B3GAT2: variants seen among roughly 807,000 people sequenced by gnomAD.
The protein encoded by B3GAT2 is galactosylgalactosylxylosylprotein 3-beta-glucuronosyltransferase 2.
Under a neutral mutation model 27.8 loss-of-function variants are expected in B3GAT2, and 26 were observed. The ratio of observed to expected loss-of-function variants is 0.93; its 90% CI spans 0.68 to 1.30. The LOEUF (loss-of-function observed/expected upper bound fraction) is 1.30. B3GAT2 is among the 50% of genes most tolerant of loss of function. B3GAT2 has a pLI of 0.00. For missense variants in B3GAT2, 458 were observed against 459.0 expected, an observed-to-expected ratio of 1.00 and a Z score of 0.02; for synonymous variants, 218 against 195.1, an observed-to-expected ratio of 1.12 and a Z score of -0.98.
chr6:70,940,738 G>A (rs140121650), intron 1 of B3GAT2, among the ~76,000 whole-genome samples: 199 of 152,184 alleles, frequency 1.3e-3, no homozygotes, highest in African/African-American at 4.0e-3. Context: ...GACCAACCTG[G>A]CCAACATGTT....
At chr6:70,922,787 C>A (rs1772891890) in intron 1 of B3GAT2, among the ~76,000 whole-genome samples, 1 of 151,554 alleles carries the variant, frequency 6.6e-6, no homozygotes, top group Non-Finnish European at 1.5e-5. Context: ...GAAAATTAAA[C>A]CAAAAATAAA....
intron 2 of B3GAT2, among the ~76,000 whole-genome samples, chr6:70,866,491 A>T (rs1442299874): frequency 6.6e-6 from 1 of 152,232 alleles, no homozygotes; most frequent in East Asian, 1.9e-4. Context: ...AGCAACATAA[A>T]ATTCAAAATG....
At chr6:70,875,997 C>A (rs753170293) in intron 2 of B3GAT2, among the ~76,000 whole-genome samples, 3 of 152,140 alleles carry the variant, frequency 2.0e-5, no homozygotes, top group Non-Finnish European at 4.4e-5. Flanking sequence ...TAACTGAATA[C>A]GGAAAATATC....
At chr6:70,897,025 C>G (rs1319519676) in intron 1 of B3GAT2, among the ~76,000 whole-genome samples, 3 of 152,192 alleles carry the variant, frequency 2.0e-5, no homozygotes, top group Non-Finnish European at 4.4e-5. Context: ...ACATTCTCAT[C>G]AGCAGTGTAA....
chr6:70,943,858 G>T (rs72920715), intron 1 of B3GAT2, among the ~76,000 whole-genome samples: 12,179 of 152,098 alleles, frequency 0.08, 599 homozygotes, highest in Non-Finnish European at 0.11. Flanking sequence ...CAGTTAGAAA[G>T]AATACATTTA....
chr6:70,945,982 A>C (rs931756447), intron 1 of B3GAT2, among the ~76,000 whole-genome samples: 4 of 152,104 alleles, frequency 2.6e-5, no homozygotes, highest in Admixed American at 2.6e-4. Context: ...AAGCTTCATA[A>C]GTGAAGGAGA....
intron 2 of B3GAT2, among the ~76,000 whole-genome samples, chr6:70,884,954 T>C (rs540863075): frequency 4.0e-4 from 61 of 152,330 alleles, no homozygotes; most frequent in Non-Finnish European, 6.9e-4. Context: ...CAGAAAAATG[T>C]GTAGTAGTCA....
In B3GAT2 at chr6:70,858,290, T is replaced by G; in HGVS notation, c.*3373A>C. ...AAACCAGATTTATTTTCTAAATCTT[T>G]TTTTTTTTTTTTTTTTTTTTTTTTT... is the stretch of plus-strand genomic sequence containing the variant. On this transcript the variant is annotated 3_prime_UTR_variant, in exon 4 of 4. Transcript: ENST00000230053. 7.3e-6 allele frequency: 3 copies of G among 408,386 alleles called. No homozygotes were observed. Among genetic ancestry groups the G allele is most frequent in the Non-Finnish European group, 1.0e-5 (3 of 294,954 alleles). The allele number at this position is 408,386 out of a possible 1,614,324, so 25.3% of individuals were successfully genotyped here.
chr6:70,888,070 C>T (rs996172384), intron 2 of B3GAT2, among the ~76,000 whole-genome samples: 5 of 152,224 alleles, frequency 3.3e-5, no homozygotes, highest in South Asian at 2.1e-4. Context: ...CCTCCTGCTT[C>T]GAGGTGGAGT....
Position 70,857,922 on chromosome 6 carries a change from G to C in B3GAT2, c.*3741C>G. 1 of 1,613,504 alleles carries C rather than the reference G, an allele frequency of 6.2e-7. No homozygotes were observed. Among genetic ancestry groups the C allele is most frequent in the Non-Finnish European group, 8.5e-7 (1 of 1,179,650 alleles). ...CATTCATTTTCTTTTTGTGGTGCAGGTGTATTTATGGGACCCACAAATATA... is the reference window on the plus strand; with the variant it reads ...CATTCATTTTCTTTTTGTGGTGCAGCTGTATTTATGGGACCCACAAATATA... On this transcript the variant is annotated 3_prime_UTR_variant, in exon 4 of 4. Transcript: ENST00000230053.
At chr6:70,882,297 C>T (rs758781526) in intron 2 of B3GAT2, among the ~76,000 whole-genome samples, 45 of 152,036 alleles carry the variant, frequency 3.0e-4, no homozygotes, top group African/African-American at 4.6e-4. Context: ...GTCAGGAGAT[C>T]CAGACCATAC....
chr6:70,864,910 T>A (rs765840787), intron 2 of B3GAT2, among the ~76,000 whole-genome samples: 2 of 151,704 alleles, frequency 1.3e-5, no homozygotes, highest in African/African-American at 2.4e-5. Context: ...GTCATGGGAG[T>A]AGGATTTTCT....
chr6:70,939,851 A>T (rs947414118), intron 1 of B3GAT2, among the ~76,000 whole-genome samples: 1 of 152,150 alleles, frequency 6.6e-6, no homozygotes, highest in Non-Finnish European at 1.5e-5. Flanking sequence ...ATATGTAACT[A>T]ACCTGCACAT....
At chr6:70,870,209 C>T (rs1771911408) in intron 2 of B3GAT2, among the ~76,000 whole-genome samples, 1 of 151,798 alleles carries the variant, frequency 6.6e-6, no homozygotes, top group Admixed American at 6.6e-5. Flanking sequence ...TACTATGCAG[C>T]CATCAAAAAT....
chr6:70,922,764 T>TA (rs1157445653), intron 1 of B3GAT2, among the ~76,000 whole-genome samples: 1 of 150,934 alleles, frequency 6.6e-6, no homozygotes, highest in African/African-American at 2.4e-5. Context: ...CTCAAGAAAC[T>TA]AAAAAAAGAA....
chr6:70,861,056 A>ATCT lies in B3GAT2; in HGVS notation c.*604_*606dup, dbSNP rs1433582933. 3 of 219,442 alleles carry ATCT rather than the reference A, an allele frequency of 1.4e-5. No individual in the cohort carries two copies. Among genetic ancestry groups the ATCT allele is most frequent in the African/African-American group, 4.5e-5 (2 of 44,364 alleles). The allele number at this position is 219,442 out of a possible 1,614,324, so 13.6% of individuals were successfully genotyped here. ...ACTAACTAAAACAAAGCCACTTTCA[A>ATCT]TCTTCAATCCTTGAAGGTATATCTA... On this transcript the variant is annotated 3_prime_UTR_variant, in exon 4 of 4. Coordinates refer to ENST00000230053, the MANE Select transcript of B3GAT2 (RefSeq NM_080742.3).
chr6:70,939,337 G>A (rs1157102887), intron 1 of B3GAT2, among the ~76,000 whole-genome samples: 11 of 144,014 alleles, frequency 7.6e-5, no homozygotes, highest in African/African-American at 2.1e-4. Context: ...AAGTCAGTGC[G>A]GCGATTCCTC....
chr6:70,860,044 A>AC lies in B3GAT2; in HGVS notation c.*1618_*1619insG. On this transcript the variant is annotated 3_prime_UTR_variant, in exon 4 of 4. Coordinates refer to ENST00000230053, the MANE Select transcript of B3GAT2 (RefSeq NM_080742.3). ...AGATAAAGAAGGGAACAAAGTAGCT[A>AC]TTTGCTTTAAGAAATATTTGTATGG... 1 of 739,834 alleles carries AC rather than the reference A, an allele frequency of 1.4e-6. No individual in the cohort carries two copies. The highest frequency in any genetic ancestry group is 2.0e-6 in the Non-Finnish European group (1 of 494,274). The allele number at this position is 739,834 out of a possible 1,614,324, so 45.8% of individuals were successfully genotyped here. A position where few individuals can be genotyped will look rare whatever the true frequency, so the allele number is the denominator to read the frequency against.
At chr6:70,909,655 A>G (rs1403307164) in intron 1 of B3GAT2, among the ~76,000 whole-genome samples, 1 of 152,232 alleles carries the variant, frequency 6.6e-6, no homozygotes, top group Non-Finnish European at 1.5e-5. Context: ...ATCAGATAAT[A>G]CAGAATAAAT....
Sources: allele counts gnomAD v4.1 joint callset (sites outside exome capture counted in the v4.1 genomes callset), GRCh38; gene constraint gnomAD v4.1.1; transcripts MANE v1.5; gene names NCBI Gene and HGNC (gene_info 2026-07-23, HGNC 2026-07-21).